Variants in DMRT1 observed in about 807,000 individuals in gnomAD.
DMRT1 encodes the protein doublesex- and mab-3-related transcription factor 1.
A neutral mutation model predicts 32.3 loss-of-function variants in DMRT1; 7 were observed. The observed-to-expected ratio is 0.22, with a 90% confidence interval of 0.12 to 0.41. The LOEUF (loss-of-function observed/expected upper bound fraction) is 0.41, where lower values mean the gene tolerates loss of function less well. DMRT1 is among the 10% of genes least tolerant of loss of function. DMRT1 has a pLI of 1.00. For synonymous variants in DMRT1, 278 were observed against 206.1 expected, an observed-to-expected ratio of 1.35 and a Z score of -2.99; for missense variants, 625 against 500.5, an observed-to-expected ratio of 1.25 and a Z score of -2.37.
chr9:850,635 T>C (rs7042732), intron 2 of DMRT1, among the ~76,000 whole-genome samples: 2,662 of 152,338 alleles, frequency 0.017, 87 homozygotes, highest in African/African-American at 0.06. Flanking sequence ...AATATTTGCA[T>C]AATTAATATA....
intron 2 of DMRT1, among the ~76,000 whole-genome samples, chr9:890,193 C>T (rs542387386): frequency 8.6e-5 from 13 of 151,524 alleles, no homozygotes; most frequent in East Asian, 7.8e-4. Context: ...TCAGGCCGCC[C>T]GCCTCAGCCT....
chr9:937,957 T>A (rs1358299767), intron 4 of DMRT1, among the ~76,000 whole-genome samples: 2 of 152,188 alleles, frequency 1.3e-5, no homozygotes, highest in African/African-American at 2.4e-5. Context: ...TTTGTTTTTT[T>A]AAGAGTTTTA....
chr9:945,382 G>A (rs772710023), intron 4 of DMRT1, among the ~76,000 whole-genome samples: 62 of 152,070 alleles, frequency 4.1e-4, no homozygotes, highest in Non-Finnish European at 7.2e-4. Flanking sequence ...TCTTGAACTC[G>A]TGACCTCAGG....
chr9:851,517 C>T (rs1476326001), intron 2 of DMRT1, among the ~76,000 whole-genome samples: 5 of 152,030 alleles, frequency 3.3e-5, no homozygotes, highest in African/African-American at 9.7e-5. Context: ...GGATTACAGG[C>T]GTGAGCCACT....
intron 4 of DMRT1, among the ~76,000 whole-genome samples, chr9:918,944 C>T (rs1818269589): frequency 6.6e-6 from 1 of 152,184 alleles, no homozygotes; most frequent in South Asian, 2.1e-4. Flanking sequence ...AAGGTCATCT[C>T]ATGGGACACT....
At chr9:878,198 CTG>C (rs1491236617) in intron 2 of DMRT1, among the ~76,000 whole-genome samples, 1 of 77,872 alleles carries the variant, frequency 1.3e-5, no homozygotes, top group Non-Finnish European at 2.5e-5. Context: ...ACTGCAGCTG[CTG>C]CCCCCCCCCC....
chr9:946,923 TCA>T (rs1819264489), intron 4 of DMRT1, among the ~76,000 whole-genome samples: 1 of 152,204 alleles, frequency 6.6e-6, no homozygotes. Flanking sequence ...AGGACTGGAT[TCA>T]CAGACGGTGC....
intron 4 of DMRT1, among the ~76,000 whole-genome samples, chr9:923,323 G>A (rs577418872): frequency 1.3e-5 from 2 of 152,260 alleles, no homozygotes; most frequent in South Asian, 2.1e-4. Flanking sequence ...TGTGACAAGC[G>A]GCCATGTGGG....
chr9:874,840 C>CTCTGTCA (rs1216802249), intron 2 of DMRT1, among the ~76,000 whole-genome samples: 2 of 131,032 alleles, frequency 1.5e-5, no homozygotes, highest in East Asian at 4.6e-4. Flanking sequence ...TGGAGTCTCG[C>CTCTGTCA]TCTGTCACCC....
At chr9:893,871 A>G (rs751158286) in intron 2 of DMRT1, 41 bp from the exon 3 acceptor site, 9 of 1,591,260 alleles carry the variant, frequency 5.7e-6, no homozygotes, top group Middle Eastern at 1.7e-4. Flanking sequence ...GTGGACTAAC[A>G]TTAATACCAT....
chr9:871,773 C>T (rs1046948634), intron 2 of DMRT1, among the ~76,000 whole-genome samples: 4 of 151,116 alleles, frequency 2.6e-5, no homozygotes, highest in African/African-American at 4.9e-5. Context: ...CGTGCCTGGC[C>T]GGCCTAGTCT....
chr9:882,956 G>A (rs1425434712), intron 2 of DMRT1, among the ~76,000 whole-genome samples: 1 of 151,526 alleles, frequency 6.6e-6, no homozygotes, highest in Non-Finnish European at 1.5e-5. Flanking sequence ...ATTTTTAGTA[G>A]AGACGGGGTT....
At chr9:862,133 T>C (rs1328821287) in intron 2 of DMRT1, among the ~76,000 whole-genome samples, 1 of 138,526 alleles carries the variant, frequency 7.2e-6, no homozygotes, top group Admixed American at 7.4e-5. Context: ...CTCAGCACTT[T>C]GGGAGGCCAA....
rs569156207 is a variant in DMRT1 at position 901,371 on chromosome 9, G to T, written c.822+7176G>T. On this transcript the variant is annotated intron_variant, in intron 3 of 4. Transcript: ENST00000382276. ...AGACAGAGCCTCACTCTGTTGCCCA[G>T]GCTAGAGTGCAGTGGCGCGATCTCG... Among the ~76,000 whole-genome samples the T allele has an allele frequency of 9.9e-4, 150 of 152,080 alleles. 1 individual carries two copies. Among genetic ancestry groups the T allele is most frequent in the Middle Eastern group, 6.8e-3 (2 of 292 alleles).
At chr9:939,516 T>C (rs576215686) in intron 4 of DMRT1, among the ~76,000 whole-genome samples, 9 of 152,348 alleles carry the variant, frequency 5.9e-5, no homozygotes, top group African/African-American at 2.2e-4. Context: ...GCTGAAAATA[T>C]TTTGTCCTGT....
At chr9:878,200 G>GCACCCCCCCCCCCCCC (rs1816584290) in intron 2 of DMRT1, among the ~76,000 whole-genome samples, 1 of 94,040 alleles carries the variant, frequency 1.1e-5, no homozygotes, top group Non-Finnish European at 2.0e-5. Flanking sequence ...TGCAGCTGCT[G>GCACCCCCCCCCCCCCC]CCCCCCCCCC....
intron 3 of DMRT1, among the ~76,000 whole-genome samples, chr9:902,963 G>A (rs1817646122): frequency 6.6e-6 from 1 of 152,154 alleles, no homozygotes. Context: ...TTAAGGAAAT[G>A]CAACTCCAAA....
At chr9:858,644 C>A (rs145885792) in intron 2 of DMRT1, among the ~76,000 whole-genome samples, 158 of 152,020 alleles carry the variant, frequency 1.0e-3, no homozygotes, top group Middle Eastern at 3.4e-3. Context: ...GAGGCCGAGG[C>A]GGGCAGATCA....
At chr9:859,493 G>T (rs565944658) in intron 2 of DMRT1, among the ~76,000 whole-genome samples, 3 of 152,234 alleles carry the variant, frequency 2.0e-5, no homozygotes, top group Admixed American at 6.5e-5. Flanking sequence ...GGTCCCTTTT[G>T]CGGTTGTCAA....
Sources: gnomAD v4.1 joint callset for allele counts (sites outside exome capture counted in the v4.1 genomes callset) on GRCh38, gnomAD v4.1.1 for gene constraint, MANE v1.5 for transcripts, NCBI Gene and HGNC (gene_info 2026-07-23, HGNC 2026-07-21) for gene names.